The following POFUT3 variants were observed in gnomAD, a reference collection of about 807,000 sequenced individuals.
POFUT3 encodes the protein protein O-fucosyltransferase 3.
the POFUT3 span, among the ~76,000 whole-genome samples, chr8:33,416,977 G>A: frequency 5.9e-5 from 9 of 152,180 alleles, no homozygotes; most frequent in Non-Finnish European, 8.8e-5. Flanking sequence ...GCCATAGGCC[G>A]GTATCCATCC....
chr8:33,442,376 C>T, the POFUT3 span, among the ~76,000 whole-genome samples: 6 of 151,794 alleles, frequency 4.0e-5, no homozygotes, highest in Non-Finnish European at 8.8e-5. Flanking sequence ...CAAGCTCCAG[C>T]TCCCGGGTTC....
chr8:33,434,698 C>A, the POFUT3 span, among the ~76,000 whole-genome samples: 1 of 152,180 alleles, frequency 6.6e-6, no homozygotes, highest in East Asian at 1.9e-4. Flanking sequence ...TCCAGGAGGA[C>A]CACCTGGAAT....
the POFUT3 span, among the ~76,000 whole-genome samples, chr8:33,408,597 T>C: frequency 6.6e-6 from 1 of 152,124 alleles, no homozygotes; most frequent in Non-Finnish European, 1.5e-5. Context: ...CCATGTCATA[T>C]AAGTGTGCAA....
At chr8:33,336,233 A>T in the POFUT3 span, among the ~76,000 whole-genome samples, 1 of 152,096 alleles carries the variant, frequency 6.6e-6, no homozygotes, top group Non-Finnish European at 1.5e-5. Flanking sequence ...AGTTACAAAT[A>T]CTCCCATCAT....
the POFUT3 span, among the ~76,000 whole-genome samples, chr8:33,363,447 C>CA: frequency 2.2e-4 from 33 of 152,044 alleles, no homozygotes; most frequent in Non-Finnish European, 4.1e-4. Context: ...GATAGAGACA[C>CA]AAAAAACCCT....
At chr8:33,345,855 C>T in the POFUT3 span, among the ~76,000 whole-genome samples, 1 of 141,774 alleles carries the variant, frequency 7.1e-6, no homozygotes. Flanking sequence ...GATGGAGTTT[C>T]GCTCTTGTTG....
At chr8:33,464,238 AC>A in the POFUT3 span, among the ~76,000 whole-genome samples, 2 of 152,278 alleles carry the variant, frequency 1.3e-5, no homozygotes, top group African/African-American at 4.8e-5. Context: ...ATAGATTGCT[AC>A]CCCATCAACT....
chr8:33,345,056 A>G, the POFUT3 span, among the ~76,000 whole-genome samples: 1 of 152,250 alleles, frequency 6.6e-6, no homozygotes, highest in African/African-American at 2.4e-5. Flanking sequence ...CCAACAGGGC[A>G]TATTTTTATG....
the POFUT3 span, among the ~76,000 whole-genome samples, chr8:33,376,713 A>G: frequency 1.3e-5 from 2 of 152,258 alleles, no homozygotes; most frequent in African/African-American, 4.8e-5. Flanking sequence ...TGGGAAATCT[A>G]TGAATATCAA....
chr8:33,372,112 TC>T, the POFUT3 span: 1 of 978,988 alleles, frequency 1.0e-6, no homozygotes, highest in Non-Finnish European at 1.2e-6. Flanking sequence ...CTCACTTACA[TC>T]CCTGGAAACC....
the POFUT3 span, chr8:33,372,719 G>A: frequency 1.9e-6 from 3 of 1,614,100 alleles, no homozygotes; most frequent in Non-Finnish European, 2.5e-6. Context: ...CAAAGGTGGA[G>A]TCCGGAGTGG....
the POFUT3 span, among the ~76,000 whole-genome samples, chr8:33,458,107 T>TTA: frequency 1.3e-5 from 2 of 152,072 alleles, no homozygotes; most frequent in Non-Finnish European, 2.9e-5. Flanking sequence ...ACTGGTGTCC[T>TTA]TATAAAAAGG....
chr8:33,400,435 A>G, the POFUT3 span, among the ~76,000 whole-genome samples: 6 of 152,096 alleles, frequency 3.9e-5, no homozygotes, highest in Non-Finnish European at 8.8e-5. Context: ...CCTGGGTGAC[A>G]AAGTGAAAAT....
the POFUT3 span, among the ~76,000 whole-genome samples, chr8:33,368,757 A>G: frequency 2.0e-5 from 3 of 152,226 alleles, no homozygotes; most frequent in African/African-American, 7.2e-5. Context: ...AGCTTATACA[A>G]TCAATCAGTG....
the POFUT3 span, among the ~76,000 whole-genome samples, chr8:33,366,709 T>C: frequency 3.3e-5 from 5 of 152,232 alleles, no homozygotes. Context: ...ATTTTTATCA[T>C]TGGCAACAAA....
At chr8:33,389,418 G>C in the POFUT3 span, 2 of 1,614,152 alleles carry the variant, frequency 1.2e-6, no homozygotes, top group Non-Finnish European at 1.7e-6. Flanking sequence ...AGCTGCTGAG[G>C]GAGGTCTTTG....
the POFUT3 span, among the ~76,000 whole-genome samples, chr8:33,437,581 C>G: frequency 6.6e-6 from 1 of 152,004 alleles, no homozygotes; most frequent in South Asian, 2.1e-4. Flanking sequence ...GAGGCTGAGG[C>G]AGAAGGATCA....
At chr8:33,429,153 A>G in the POFUT3 span, among the ~76,000 whole-genome samples, 8 of 152,198 alleles carry the variant, frequency 5.3e-5, no homozygotes, top group Admixed American at 3.3e-4. Context: ...CAAATAAGAA[A>G]AGAAGCTTAA....
At chr8:33,433,007 G>C in the POFUT3 span, among the ~76,000 whole-genome samples, 1 of 152,104 alleles carries the variant, frequency 6.6e-6, no homozygotes, top group Non-Finnish European at 1.5e-5. Flanking sequence ...GCCGAGGCAA[G>C]TAGAACACCT....
Sources: gnomAD v4.1 joint callset for allele counts (sites outside exome capture counted in the v4.1 genomes callset) on GRCh38, gnomAD v4.1.1 for gene constraint, MANE v1.5 for transcripts, NCBI Gene and HGNC (gene_info 2026-07-23, HGNC 2026-07-21) for gene names.